Variants in CLIC5 observed in about 807,000 individuals in gnomAD.
The protein encoded by CLIC5 is CLIC family member 5, also known as chloride intracellular channel protein 5.
A neutral mutation model predicts 24.7 loss-of-function variants in CLIC5; 20 were observed. That is an observed-to-expected ratio of 0.81 (90% CI 0.57 to 1.18). The LOEUF (loss-of-function observed/expected upper bound fraction) is 1.18, where lower values mean the gene tolerates loss of function less well. Among genes scored for constraint, CLIC5 ranks in the 50% most tolerant of loss-of-function variants. The probability of loss-of-function intolerance (pLI) is 0.00; values close to 1 mark genes in which losing one functional copy is unlikely to be tolerated. For missense variants in CLIC5, 341 were observed against 326.1 expected, an observed-to-expected ratio of 1.05 and a Z score of -0.35; for synonymous variants, 159 against 135.6, an observed-to-expected ratio of 1.17 and a Z score of -1.20.
intron 1 of CLIC5, among the ~76,000 whole-genome samples, chr6:46,014,051 G>A (rs990089832): frequency 6.6e-6 from 1 of 152,100 alleles, no homozygotes; most frequent in Non-Finnish European, 1.5e-5. Flanking sequence ...GGGGTGGGGG[G>A]AGTCCCAGAA....
upstream of CLIC5, among the ~76,000 whole-genome samples, chr6:46,082,887 T>C (rs1369833350): frequency 1.3e-5 from 2 of 152,226 alleles, no homozygotes; most frequent in African/African-American, 2.4e-5. Flanking sequence ...TTATTTTCTG[T>C]CTTATCCTAC....
intron 6 of CLIC5, among the ~76,000 whole-genome samples, chr6:45,888,037 C>T (rs1762320310): frequency 6.6e-6 from 1 of 151,962 alleles, no homozygotes; most frequent in Non-Finnish European, 1.5e-5. Context: ...AGTGTATGAC[C>T]CTAAAATTTC....
the CLIC5 span, among the ~76,000 whole-genome samples, chr6:46,118,248 G>T: frequency 2.6e-5 from 4 of 152,154 alleles, no homozygotes; most frequent in Non-Finnish European, 4.4e-5. Context: ...AAACATCTTT[G>T]AACTCTGAAA....
At chr6:46,047,979 T>C (rs952750878) in intron 1 of CLIC5, among the ~76,000 whole-genome samples, 8 of 151,420 alleles carry the variant, frequency 5.3e-5, no homozygotes, top group African/African-American at 1.5e-4. Context: ...TTTCATATTC[T>C]AAATAAATAT....
At chr6:45,949,759 T>C in intron 2 of CLIC5, among the ~76,000 whole-genome samples, 1 of 152,210 alleles carries the variant, frequency 6.6e-6, no homozygotes, top group East Asian at 1.9e-4. Flanking sequence ...AAAAATGCGC[T>C]ACACATAATT....
chr6:45,978,969 A>G (rs1275832558), intron 1 of CLIC5, among the ~76,000 whole-genome samples: 2 of 151,852 alleles, frequency 1.3e-5, no homozygotes, highest in Non-Finnish European at 2.9e-5. Flanking sequence ...AAAACAGAAA[A>G]TAATTATGAG....
intron 1 of CLIC5, among the ~76,000 whole-genome samples, chr6:46,076,979 A>C (rs1011468730): frequency 5.9e-5 from 9 of 152,076 alleles, no homozygotes; most frequent in Admixed American, 5.9e-4. Flanking sequence ...TCTACTAAAA[A>C]TACAAAAATT....
At chr6:45,886,596 C>T (rs763815154) in intron 6 of CLIC5, among the ~76,000 whole-genome samples, 1 of 152,108 alleles carries the variant, frequency 6.6e-6, no homozygotes, top group Non-Finnish European at 1.5e-5. Flanking sequence ...GCCAAGTGCC[C>T]CAATGCCAAA....
intron 1 of CLIC5, among the ~76,000 whole-genome samples, chr6:46,064,493 T>C (rs1252313192): frequency 6.6e-6 from 1 of 152,182 alleles, no homozygotes; most frequent in Non-Finnish European, 1.5e-5. Context: ...CTCATGAATA[T>C]GCAAAAATAT....
intron 1 of CLIC5, among the ~76,000 whole-genome samples, chr6:46,006,580 C>A (rs1286083410): frequency 6.6e-6 from 1 of 152,118 alleles, no homozygotes; most frequent in Non-Finnish European, 1.5e-5. Context: ...TTTCCTTTGC[C>A]TAGGACATTG....
At chr6:45,890,499 T>G (rs1762339290) in intron 6 of CLIC5, among the ~76,000 whole-genome samples, 1 of 152,138 alleles carries the variant, frequency 6.6e-6, no homozygotes, top group African/African-American at 2.4e-5. Flanking sequence ...TTGGAAACAG[T>G]ATAGTGGTTC....
At chr6:45,888,224 T>C (rs768030030) in intron 6 of CLIC5, among the ~76,000 whole-genome samples, 1 of 152,214 alleles carries the variant, frequency 6.6e-6, no homozygotes, top group Non-Finnish European at 1.5e-5. Flanking sequence ...GCCAAATGAG[T>C]GGGGTACTAT....
At chr6:45,916,931 G>C (rs879897791) in intron 4 of CLIC5, among the ~76,000 whole-genome samples, 14 of 152,184 alleles carry the variant, frequency 9.2e-5, no homozygotes, top group Non-Finnish European at 1.0e-4. Context: ...CCGTGGTAGA[G>C]GAAGAGGAGA....
At chr6:46,096,290 A>C in the CLIC5 span, among the ~76,000 whole-genome samples, 18 of 152,356 alleles carry the variant, frequency 1.2e-4, no homozygotes, top group Admixed American at 3.3e-4. Context: ...CATGAGATCC[A>C]GGCCAGGGAA....
At chr6:45,941,973 GCAAT>G (rs1232721627) in intron 3 of CLIC5, among the ~76,000 whole-genome samples, 1 of 152,120 alleles carries the variant, frequency 6.6e-6, no homozygotes, top group Non-Finnish European at 1.5e-5. Context: ...GTGGGATGGC[GCAAT>G]CAAAGTTCCC....
intron 6 of CLIC5, among the ~76,000 whole-genome samples, chr6:45,882,241 T>G (rs528443211): frequency 1.4e-3 from 217 of 152,338 alleles, no homozygotes; most frequent in African/African-American, 4.9e-3. Flanking sequence ...GATACACATC[T>G]CCCCACCCTT....
intron 6 of CLIC5, among the ~76,000 whole-genome samples, chr6:45,891,581 G>A (rs914554685): frequency 1.9e-4 from 29 of 151,554 alleles, no homozygotes; most frequent in African/African-American, 6.1e-4. Flanking sequence ...GGTTCAGTGA[G>A]GCGAGATCAT....
intron 1 of CLIC5, among the ~76,000 whole-genome samples, chr6:45,963,842 T>G (rs1011924851): frequency 4.6e-5 from 7 of 152,222 alleles, no homozygotes; most frequent in Admixed American, 4.6e-4. Context: ...CTTGAGGTTT[T>G]CTTATAAGTC....
chr6:45,944,549 C>CAAA (rs773971605), intron 3 of CLIC5, among the ~76,000 whole-genome samples: 816 of 61,166 alleles, frequency 0.013, 15 homozygotes, highest in African/African-American at 0.048. Context: ...GGCTTCTCAC[C>CAAA]AAAAAAAAAA....
Sources: allele counts gnomAD v4.1 joint callset (sites outside exome capture counted in the v4.1 genomes callset), GRCh38; gene constraint gnomAD v4.1.1; transcripts MANE v1.5; gene names NCBI Gene and HGNC (gene_info 2026-07-23, HGNC 2026-07-21).